Variants in PTPRM observed in about 807,000 individuals in gnomAD.
PTPRM encodes the protein receptor-type tyrosine-protein phosphatase mu.
PTPRM carries 47 observed loss-of-function variants against 186.7 expected under a neutral mutation model. That is an observed-to-expected ratio of 0.25 (90% CI 0.20 to 0.32). PTPRM has a LOEUF of 0.32. Among genes scored for constraint, PTPRM ranks in the 10% least tolerant of loss-of-function variants. The pLI, the probability that PTPRM is intolerant of heterozygous loss-of-function variation, is 1.00. For missense variants in PTPRM, 1,494 were observed against 1,865.0 expected, an observed-to-expected ratio of 0.80 and a Z score of 3.66; for synonymous variants, 668 against 674.9, an observed-to-expected ratio of 0.99 and a Z score of 0.16.
chr18:8,023,875 C>T (rs1225944366), intron 7 of PTPRM, among the ~76,000 whole-genome samples: 1 of 152,008 alleles, frequency 6.6e-6, no homozygotes, highest in Non-Finnish European at 1.5e-5. Flanking sequence ...CACACACGCA[C>T]ACCCCTCCTA....
At chr18:7,990,629 T>G (rs2083217605) in intron 7 of PTPRM, among the ~76,000 whole-genome samples, 1 of 152,216 alleles carries the variant, frequency 6.6e-6, no homozygotes. Flanking sequence ...TGATTGGCAT[T>G]GATTCATGGA....
intron 7 of PTPRM, among the ~76,000 whole-genome samples, chr18:8,024,608 T>C (rs2085447882): frequency 6.6e-6 from 1 of 151,966 alleles, no homozygotes; most frequent in African/African-American, 2.4e-5. Flanking sequence ...AAATTGTCCA[T>C]GTTTCTGCAA....
chr18:7,797,734 T>TA (rs767649098), intron 2 of PTPRM, among the ~76,000 whole-genome samples: 10 of 151,670 alleles, frequency 6.6e-5, no homozygotes, highest in Non-Finnish European at 1.2e-4. Flanking sequence ...GAACATCGAG[T>TA]TCCTAGAAGA....
At chr18:8,341,581 C>T (rs1302433282) in intron 22 of PTPRM, among the ~76,000 whole-genome samples, 3 of 152,132 alleles carry the variant, frequency 2.0e-5, no homozygotes, top group Non-Finnish European at 4.4e-5. Context: ...CACAAGCTGT[C>T]CATGATGCTG....
chr18:8,376,129 C>A lies in PTPRM; in HGVS notation c.3255C>A (p.Gly1085=). ...PDHGVPYHAT[G]LLGFVRQVKS... ...ATGGGGTCCCCTACCATGCCACCGG[C>A]CTGCTGGGATTCGTGCGGCAAGTCA... The change falls in exon 25 of 33, where the codon GGC becomes GGA. Residue 1085 remains glycine (G), a synonymous_variant. Transcript: ENST00000580170. 6.2e-7 allele frequency: 1 copy of A among 1,614,068 alleles called. No homozygotes were observed. The highest frequency in any genetic ancestry group is 8.5e-7 in the Non-Finnish European group (1 of 1,180,030).
chr18:8,274,565 C>G (rs1285274929), intron 19 of PTPRM, among the ~76,000 whole-genome samples: 1 of 152,110 alleles, frequency 6.6e-6, no homozygotes, highest in African/African-American at 2.4e-5. Flanking sequence ...TAATCAGTGC[C>G]TGAGCTGTGC....
intron 2 of PTPRM, among the ~76,000 whole-genome samples, chr18:7,840,084 A>AG (rs2046248423): frequency 5.3e-4 from 2 of 3,746 alleles, no homozygotes; most frequent in Non-Finnish European, 1.0e-3. Flanking sequence ...GGTGGGGTGG[A>AG]GGTGGGGGGG....
intron 1 of PTPRM, among the ~76,000 whole-genome samples, chr18:7,591,169 G>A (rs574797900): frequency 3.6e-4 from 55 of 152,264 alleles, no homozygotes; most frequent in African/African-American, 1.2e-3. Context: ...ATGCATCCCC[G>A]TGTGTTTTTT....
intron 4 of PTPRM, among the ~76,000 whole-genome samples, chr18:7,914,063 T>G (rs947678429): frequency 6.6e-6 from 1 of 152,312 alleles, no homozygotes; most frequent in South Asian, 2.1e-4. Context: ...AATTTAGATT[T>G]TTTAATGAAG....
chr18:7,955,653 TC>T (rs1214078643), intron 7 of PTPRM, among the ~76,000 whole-genome samples: 1 of 152,176 alleles, frequency 6.6e-6, no homozygotes, highest in East Asian at 1.9e-4. Flanking sequence ...TTAATTTACT[TC>T]TTACTCTGAG....
At chr18:7,760,152 T>A (rs2144738103) in intron 1 of PTPRM, among the ~76,000 whole-genome samples, 1 of 152,342 alleles carries the variant, frequency 6.6e-6, no homozygotes, top group Non-Finnish European at 1.5e-5. Flanking sequence ...GCTTTAGCAT[T>A]GAGCTTAGCC....
chr18:8,281,985 A>G (rs1015964217), intron 19 of PTPRM, among the ~76,000 whole-genome samples: 5 of 152,122 alleles, frequency 3.3e-5, no homozygotes, highest in Admixed American at 3.3e-4. Context: ...CTTGCTGTGT[A>G]AGAGGATGAA....
chr18:7,862,762 T>G (rs1465107264), intron 2 of PTPRM, among the ~76,000 whole-genome samples: 1 of 152,206 alleles, frequency 6.6e-6, no homozygotes, highest in Non-Finnish European at 1.5e-5. Flanking sequence ...TCATTTTACC[T>G]TCATTTGAAT....
intron 1 of PTPRM, among the ~76,000 whole-genome samples, chr18:7,632,107 G>C (rs1004949517): frequency 4.6e-5 from 7 of 152,212 alleles, no homozygotes; most frequent in African/African-American, 1.7e-4. Flanking sequence ...GGTTGGTCCA[G>C]TATGGAATCA....
At chr18:8,393,374 A>G (rs2095827367) in intron 31 of PTPRM, among the ~76,000 whole-genome samples, 1 of 152,216 alleles carries the variant, frequency 6.6e-6, no homozygotes, top group Admixed American at 6.5e-5. Flanking sequence ...TGGGGACGAC[A>G]GCTACTTTCT....
chr18:8,310,969 A>G (rs965367769), intron 20 of PTPRM, among the ~76,000 whole-genome samples: 3 of 152,218 alleles, frequency 2.0e-5, no homozygotes, highest in Non-Finnish European at 4.4e-5. Flanking sequence ...TTTCTAGAAG[A>G]TGAAATAGCT....
chr18:8,142,397 A>G (rs1262313174), intron 13 of PTPRM, among the ~76,000 whole-genome samples: 1 of 152,200 alleles, frequency 6.6e-6, no homozygotes, highest in Non-Finnish European at 1.5e-5. Flanking sequence ...CCTCATGTAT[A>G]AAATCTCACC....
At chr18:7,911,324 G>A (rs2050250860) in intron 4 of PTPRM, among the ~76,000 whole-genome samples, 1 of 152,152 alleles carries the variant, frequency 6.6e-6, no homozygotes, top group Non-Finnish European at 1.5e-5. Context: ...CTGTGAAATT[G>A]TTTTTTAAAT....
intron 5 of PTPRM, among the ~76,000 whole-genome samples, chr18:7,929,221 A>G (rs996502517): frequency 2.6e-5 from 4 of 152,248 alleles, no homozygotes; most frequent in Non-Finnish European, 5.9e-5. Context: ...GAAGGCAGAC[A>G]TAACATATAA....
Sources: allele counts gnomAD v4.1 joint callset (sites outside exome capture counted in the v4.1 genomes callset), GRCh38; gene constraint gnomAD v4.1.1; transcripts MANE v1.5; gene names NCBI Gene and HGNC (gene_info 2026-07-23, HGNC 2026-07-21).